The following MTSS1 variants were observed in gnomAD, a reference collection of about 807,000 sequenced individuals.
The protein encoded by MTSS1 is MTSS I-BAR domain containing 1.
A neutral mutation model predicts 79.0 loss-of-function variants in MTSS1; 18 were observed. The observed-to-expected ratio is 0.23, with a 90% CI of 0.16 to 0.34. The LOEUF (loss-of-function observed/expected upper bound fraction) is 0.34. Among genes scored for constraint, MTSS1 ranks in the 10% least tolerant of loss-of-function variants. The pLI, the probability that MTSS1 is intolerant of heterozygous loss-of-function variation, is 1.00. For missense variants in MTSS1, 815 were observed against 986.2 expected, an observed-to-expected ratio of 0.83 and a Z score of 2.33; for synonymous variants, 341 against 368.6, an observed-to-expected ratio of 0.93 and a Z score of 0.86.
intron 3 of MTSS1, among the ~76,000 whole-genome samples, chr8:124,682,406 C>T (rs922729153): frequency 7.2e-5 from 11 of 152,234 alleles, no homozygotes; most frequent in East Asian, 3.8e-4. Flanking sequence ...ATCCCTTCAA[C>T]GCTTCCTCTT....
intron 6 of MTSS1, among the ~76,000 whole-genome samples, chr8:124,575,286 G>T (rs1828748958): frequency 6.6e-6 from 1 of 152,160 alleles, no homozygotes. Context: ...AAGACTGAAG[G>T]CTTTTAGCCT....
chr8:124,629,659 C>T (rs2133778655), intron 3 of MTSS1, among the ~76,000 whole-genome samples: 1 of 152,194 alleles, frequency 6.6e-6, no homozygotes, highest in African/African-American at 2.4e-5. Context: ...GTTGGTGAGA[C>T]AGCCAAGTGC....
chr8:124,623,037 A>G (rs1028623117), intron 3 of MTSS1, among the ~76,000 whole-genome samples: 2 of 152,102 alleles, frequency 1.3e-5, no homozygotes, highest in Non-Finnish European at 2.9e-5. Flanking sequence ...CCTTTCTCAC[A>G]CCTTCCAGGA....
chr8:124,605,478 G>A (rs1834628697), intron 3 of MTSS1, among the ~76,000 whole-genome samples: 1 of 152,130 alleles, frequency 6.6e-6, no homozygotes. Flanking sequence ...CAGAGTAAGA[G>A]CCTGCTACAT....
intron 6 of MTSS1, among the ~76,000 whole-genome samples, chr8:124,576,273 C>A (rs374657880): frequency 6.6e-6 from 1 of 151,986 alleles, no homozygotes. Context: ...ACTTGATGGG[C>A]GAGGGGGTCA....
intron 5 of MTSS1, 23 bp downstream of exon 5, chr8:124,589,597 C>T (rs774489078): frequency 4.4e-6 from 7 of 1,594,708 alleles, no homozygotes; most frequent in Non-Finnish European, 5.1e-6. Context: ...TGCAGTGATG[C>T]GCTAGACATC....
chr8:124,611,112 C>CCA (rs1554671340), intron 3 of MTSS1, among the ~76,000 whole-genome samples: 4 of 148,524 alleles, frequency 2.7e-5, no homozygotes, highest in South Asian at 2.2e-4. Flanking sequence ...ACAGACCCCC[C>CCA]CCCCCCAGCA....
chr8:124,712,353 C>T (rs1831295510), intron 1 of MTSS1, among the ~76,000 whole-genome samples: 1 of 152,162 alleles, frequency 6.6e-6, no homozygotes, highest in Admixed American at 6.5e-5. Flanking sequence ...ATGAGCTCAG[C>T]CTTCAGGTTA....
chr8:124,589,508 T>C, intron 5 of MTSS1, 112 bp downstream of exon 5: 1 of 756,094 alleles, frequency 1.3e-6, no homozygotes, highest in Non-Finnish European at 2.2e-6. Flanking sequence ...GAGTGGGCCC[T>C]TGGCTGTTTT....
intron 3 of MTSS1, among the ~76,000 whole-genome samples, chr8:124,674,495 A>G (rs1047125421): frequency 1.3e-5 from 2 of 152,000 alleles, no homozygotes; most frequent in Non-Finnish European, 2.9e-5. Context: ...ATAGGCACAC[A>G]TCACCATACC....
rs191965367 is a variant in MTSS1, at chr8:124,595,042, T to C, written c.209-3807A>G. Among the ~76,000 whole-genome samples the C allele has an allele frequency of 3.6e-3, 553 of 152,238 alleles. 3 individuals are homozygous for C. Among genetic ancestry groups the C allele is most frequent in the African/African-American group, 0.013 (539 of 41,528 alleles). ...GCCCTACTTCTGTGTTCTCGGTACCTAGCACTGGTGTTGAATAAAGGAACG... is the reference window on the plus strand; with the variant it reads ...GCCCTACTTCTGTGTTCTCGGTACCCAGCACTGGTGTTGAATAAAGGAACG... On this transcript the variant is annotated intron_variant, in intron 3 of 13. Transcript: ENST00000518547.
intron 3 of MTSS1, among the ~76,000 whole-genome samples, chr8:124,681,287 C>G (rs1232275275): frequency 1.3e-5 from 2 of 151,416 alleles, no homozygotes; most frequent in African/African-American, 4.9e-5. Context: ...GAAATGCCAA[C>G]CTCAGGACTC....
At chr8:124,566,580 T>C (rs184568303) in intron 8 of MTSS1, among the ~76,000 whole-genome samples, 2 of 152,336 alleles carry the variant, frequency 1.3e-5, no homozygotes, top group Admixed American at 6.5e-5. Context: ...TTTCATAAGA[T>C]GAGAGAGCTC....
At chr8:124,677,378 G>A (rs1223494622) in intron 3 of MTSS1, among the ~76,000 whole-genome samples, 1 of 152,132 alleles carries the variant, frequency 6.6e-6, no homozygotes, top group African/African-American at 2.4e-5. Flanking sequence ...CAGGCTTTGA[G>A]GGCCCTTTGG....
intron 1 of MTSS1, among the ~76,000 whole-genome samples, chr8:124,715,004 T>C (rs1384330825): frequency 6.6e-6 from 1 of 152,222 alleles, no homozygotes; most frequent in African/African-American, 2.4e-5. Context: ...TGTCTATAAA[T>C]GTCCACATTA....
chr8:124,633,696 G>C (rs1318541927), intron 3 of MTSS1, among the ~76,000 whole-genome samples: 1 of 151,946 alleles, frequency 6.6e-6, no homozygotes, highest in Non-Finnish European at 1.5e-5. Flanking sequence ...CTTGAACCCA[G>C]GAGGCGGAGG....
rs763186549 is a variant in MTSS1, at chr8:124,694,211, C to T, written c.208+5315G>A. 8.5e-5 allele frequency among the ~76,000 whole-genome samples: 13 copies of T among 152,114 alleles called. No individual in the cohort carries two copies. The East Asian group carries it at 1.7e-3, about 20-fold the overall frequency. On this transcript the variant is annotated intron_variant, in intron 3 of 13. Transcript: ENST00000518547. ...TGCCCTTACACATCAGGGACTTGCG[C>T]GGAGTACAGAGCGGACGACACACTC... is the stretch of plus-strand genomic sequence containing the variant.
At chr8:124,652,584 G>A (rs1485923436) in intron 3 of MTSS1, among the ~76,000 whole-genome samples, 2 of 150,348 alleles carry the variant, frequency 1.3e-5, no homozygotes, top group South Asian at 2.2e-4. Flanking sequence ...AGAAACAGGT[G>A]AAGATTTGGA....
chr8:124,568,925 G>A (rs2288663), intron 6 of MTSS1: 219,561 of 1,260,362 alleles, frequency 0.17, 20,063 homozygotes, highest in South Asian at 0.31. Flanking sequence ...GTAAGAGCCT[G>A]TGGGTGTTTC....
Sources: allele counts gnomAD v4.1 joint callset (sites outside exome capture counted in the v4.1 genomes callset), GRCh38; gene constraint gnomAD v4.1.1; transcripts MANE v1.5; gene names NCBI Gene and HGNC (gene_info 2026-07-23, HGNC 2026-07-21).